The following DIP2C variants were observed in gnomAD, a reference collection of about 807,000 sequenced individuals.
DIP2C encodes the protein disco-interacting protein 2 homolog C.
Under a neutral mutation model 192.4 loss-of-function variants are expected in DIP2C, and 33 were observed. That is an observed-to-expected ratio of 0.17 (90% CI 0.13 to 0.23). The LOEUF (loss-of-function observed/expected upper bound fraction) is 0.23, where lower values mean the gene tolerates loss of function less well. Ranked by LOEUF, DIP2C falls within the 10% of genes least tolerant of loss-of-function variation. The pLI, the probability that DIP2C is intolerant of heterozygous loss-of-function variation, is 1.00. For missense variants in DIP2C, 1,537 were observed against 2,110.1 expected, an observed-to-expected ratio of 0.73 and a Z score of 5.32; for synonymous variants, 979 against 864.1, an observed-to-expected ratio of 1.13 and a Z score of -2.33.
Position 503,178 on chromosome 10 carries a change from A to AC in DIP2C, c.86-16649dup, listed in dbSNP as rs532135068. ...CAACATAAATTCCGCCAGGATGCCT[A>AC]CCTGCAGACTTACCACGATTCCAAC... On this transcript the variant is annotated intron_variant, in intron 1 of 36. Transcript: ENST00000280886. Among the ~76,000 whole-genome samples the AC allele has an allele frequency of 1.3e-3, 200 of 151,942 alleles. 1 individual carries two copies. Among genetic ancestry groups the AC allele is most frequent in the African/African-American group, 4.5e-3 (185 of 41,370 alleles).
chr10:621,173 C>T (rs1180939502), intron 1 of DIP2C, among the ~76,000 whole-genome samples: 3 of 152,166 alleles, frequency 2.0e-5, no homozygotes, highest in East Asian at 1.9e-4. Flanking sequence ...CAACGGGCCA[C>T]GTATTCGCCA....
rs1228998752 is a variant in DIP2C, at chr10:636,454, T to C, written c.85+53040A>G. ...GATTATACAGAGAGACAGATTCGTTTCTCCTCTGGAGCCAGTTGAAGGTGA... is the reference window on the plus strand; with the variant it reads ...GATTATACAGAGAGACAGATTCGTTCCTCCTCTGGAGCCAGTTGAAGGTGA... On this transcript the variant is annotated intron_variant, in intron 1 of 36. Transcript: ENST00000280886. This position sits in a 1 kb window ranked among gnomAD's most constrained non-coding sequence, Gnocchi z 4.6. Among the ~76,000 whole-genome samples, 1 of 152,054 alleles carries C rather than the reference T, an allele frequency of 6.6e-6. No homozygotes were observed. Among genetic ancestry groups the C allele is most frequent in the Non-Finnish European group, 1.5e-5 (1 of 67,988 alleles).
intron 1 of DIP2C, among the ~76,000 whole-genome samples, chr10:590,920 C>G (rs1851364060): frequency 6.7e-6 from 1 of 150,290 alleles, no homozygotes; most frequent in Admixed American, 6.6e-5. Context: ...AGAATTCCCC[C>G]CTCGGTCTCC....
chr10:420,508 C>T (rs1966110723), intron 5 of DIP2C, among the ~76,000 whole-genome samples: 1 of 152,328 alleles, frequency 6.6e-6, no homozygotes, highest in South Asian at 2.1e-4. Flanking sequence ...CCAACACACA[C>T]CCCCTCAAGT....
chr10:575,759 C>T (rs1375102356), intron 1 of DIP2C, among the ~76,000 whole-genome samples: 4 of 152,184 alleles, frequency 2.6e-5, no homozygotes, highest in Admixed American at 2.0e-4. Flanking sequence ...TCCATCTCGC[C>T]GCAAGCAGGG....
At position 670,355 on chromosome 10, in the gene DIP2C, TACACATAC is replaced by T. The variant is rs943482437; in HGVS notation, c.85+19131_85+19138del. ...ATGCGCACGCGTACATGCACATACA[TACACATAC>T]ACACATGCACACACATGCATGTGTA... On this transcript the variant is annotated intron_variant, in intron 1 of 36. Coordinates refer to ENST00000280886, the MANE Select transcript of DIP2C (RefSeq NM_014974.3). Among the ~76,000 whole-genome samples the T allele has an allele frequency of 3.9e-5, 6 of 151,918 alleles. No homozygotes were observed. The East Asian group carries it at 5.8e-4, about 15-fold the overall frequency.
intron 1 of DIP2C, among the ~76,000 whole-genome samples, chr10:532,544 T>TGAGAGAGAGTATGGGTGTGA (rs111941731): frequency 1.8e-5 from 2 of 113,320 alleles, no homozygotes; most frequent in African/African-American, 7.7e-5. Flanking sequence ...AGTATGGGTG[T>TGAGAGAGAGTATGGGTGTGA]GAGAGAGTAT....
At chr10:589,585 T>C (rs1019428888) in intron 1 of DIP2C, among the ~76,000 whole-genome samples, 22 of 152,244 alleles carry the variant, frequency 1.4e-4, no homozygotes, top group African/African-American at 5.3e-4. Context: ...CAAATTCCAC[T>C]GACCTGCTTT....
intron 1 of DIP2C, among the ~76,000 whole-genome samples, chr10:536,959 C>T (rs1226867202): frequency 6.6e-6 from 1 of 152,218 alleles, no homozygotes; most frequent in Admixed American, 6.5e-5. Flanking sequence ...CACCACCACC[C>T]ATTTTGTAGT....
chr10:341,275 G>A lies in DIP2C; in HGVS notation c.3508C>T (p.Leu1170Phe). The change falls in exon 29 of 37, where the codon CTT (leucine) becomes TTT (phenylalanine). Residue 1170 changes from leucine (L) to phenylalanine (F), a missense_variant. Around this residue, in one of 4 missense-constraint regions of DIP2C, gnomAD observed 341 missense variants for 551.7 expected, o/e 0.62. Coordinates refer to ENST00000280886, the MANE Select transcript of DIP2C (RefSeq NM_014974.3). ...ATGGCCACTTCTCTAGAGGGGTAAA[G>A]TTCACACTGCAGCTTAATGGAACGG... is the stretch of plus-strand genomic sequence containing the variant. ...FCRSIKLQCE[L>F]YPSREVAICL... 2 of 1,614,228 alleles carry A rather than the reference G, an allele frequency of 1.2e-6. No individual in the cohort carries two copies. The highest frequency in any genetic ancestry group is 1.7e-6 in the Non-Finnish European group (2 of 1,180,044).
At chr10:663,652 C>A (rs371638998) in intron 1 of DIP2C, 1 of 152,204 alleles carries the variant, frequency 6.6e-6, no homozygotes, top group Non-Finnish European at 1.5e-5. Flanking sequence ...GGTTGAAATG[C>A]GTGTGCCATG....
intron 1 of DIP2C, among the ~76,000 whole-genome samples, chr10:618,421 T>C (rs1178208298): frequency 6.6e-6 from 1 of 152,196 alleles, no homozygotes; most frequent in Non-Finnish European, 1.5e-5. Context: ...CGCAGGCCCC[T>C]GGAGGAGCAA....
chr10:285,638 C>T (rs935186409), intron 34 of DIP2C, among the ~76,000 whole-genome samples: 11 of 152,174 alleles, frequency 7.2e-5, no homozygotes, highest in African/African-American at 2.4e-4. Context: ...GGACTGGGGA[C>T]GCCCAGCAGT....
At chr10:347,543 C>T (rs1958553626) in intron 26 of DIP2C, among the ~76,000 whole-genome samples, 1 of 135,866 alleles carries the variant, frequency 7.4e-6, no homozygotes, top group Non-Finnish European at 1.6e-5. Flanking sequence ...AACCCAGACA[C>T]ATCGCGCATA....
At chr10:281,627 C>T (rs1185358618) in intron 35 of DIP2C, among the ~76,000 whole-genome samples, 1 of 152,224 alleles carries the variant, frequency 6.6e-6, no homozygotes, top group African/African-American at 2.4e-5. Context: ...GCATGTTCAT[C>T]GGGAGCAACT....
intron 1 of DIP2C, among the ~76,000 whole-genome samples, chr10:540,635 T>C (rs1348017447): frequency 6.6e-6 from 1 of 152,240 alleles, no homozygotes; most frequent in Admixed American, 6.5e-5. Flanking sequence ...GCGGTGATCG[T>C]GGCATGACAG....
chr10:373,092 G>T (rs1316545880), intron 17 of DIP2C, among the ~76,000 whole-genome samples: 1 of 152,352 alleles, frequency 6.6e-6, no homozygotes, highest in East Asian at 1.9e-4. Flanking sequence ...GCCCAAGTGG[G>T]TGGTGGGGCT....
chr10:508,771 C>T (rs1845807245), intron 1 of DIP2C, among the ~76,000 whole-genome samples: 1 of 152,144 alleles, frequency 6.6e-6, no homozygotes, highest in African/African-American at 2.4e-5. Context: ...GCAACTGTAC[C>T]GCACATACAG....
intron 29 of DIP2C, among the ~76,000 whole-genome samples, 199 bp from the exon 30 acceptor site, chr10:329,800 G>A (rs143324280): frequency 6.3e-4 from 96 of 152,286 alleles, no homozygotes; most frequent in African/African-American, 1.9e-3. Flanking sequence ...AAGCAAATAC[G>A]TACTACAGAA....
Sources: allele counts gnomAD v4.1 joint callset (sites outside exome capture counted in the v4.1 genomes callset), GRCh38; gene constraint gnomAD v4.1.1; regional missense constraint gnomAD v4.1.1; non-coding constraint Gnocchi (gnomAD v3.1); transcripts MANE v1.5; gene names NCBI Gene and HGNC (gene_info 2026-07-23, HGNC 2026-07-21).